UBE2E2: variants seen among roughly 807,000 people sequenced by gnomAD.
UBE2E2 encodes ubiquitin conjugating enzyme E2 E2, also known as ubiquitin-conjugating enzyme E2 E2.
Under a neutral mutation model 24.7 loss-of-function variants are expected in UBE2E2, and 6 were observed. The observed-to-expected ratio is 0.24, with a 90% CI of 0.13 to 0.48. The LOEUF is 0.48. Among genes scored for constraint, UBE2E2 ranks in the 20% least tolerant of loss-of-function variants. The pLI is 0.99. For missense variants in UBE2E2, 169 were observed against 245.0 expected, an observed-to-expected ratio of 0.69 and a Z score of 2.07; for synonymous variants, 104 against 83.6, an observed-to-expected ratio of 1.24 and a Z score of -1.33.
chr3:23,550,173 A>C (rs1251397390), intron 5 of UBE2E2, among the ~76,000 whole-genome samples: 1 of 152,114 alleles, frequency 6.6e-6, no homozygotes, highest in Non-Finnish European at 1.5e-5. Context: ...TATAACTCAA[A>C]CTTGATTTAA....
rs1324042004 is a variant in UBE2E2, at chr3:23,590,187, G to T, written c.*356G>T. The T allele has an allele frequency of 3.2e-5, 6 of 186,084 alleles. No homozygotes were observed. The highest frequency in any genetic ancestry group is 1.9e-4 in the South Asian group (1 of 5,166). The allele number at this position is 186,084 out of a possible 1,614,324, so 11.5% of individuals were successfully genotyped here. A position where few individuals can be genotyped will look rare whatever the true frequency, so the allele number is the denominator to read the frequency against. ...AAGCTTTGTATTACTGTGTGGTTTT[G>T]TTTTTTTTGTTGTTGTTTATTTGAT... On this transcript the variant is annotated 3_prime_UTR_variant, in exon 6 of 6. Transcript: ENST00000396703.
chr3:23,209,607 G>A (rs183080901), intron 2 of UBE2E2, among the ~76,000 whole-genome samples: 10 of 152,330 alleles, frequency 6.6e-5, no homozygotes, highest in Admixed American at 4.6e-4. Flanking sequence ...CATTGACCAA[G>A]TCGGAAGTAT....
At chr3:23,239,844 T>A (rs773935888) in intron 3 of UBE2E2, among the ~76,000 whole-genome samples, 2 of 152,322 alleles carry the variant, frequency 1.3e-5, no homozygotes, top group Non-Finnish European at 2.9e-5. Context: ...TTTATCCTCT[T>A]GATGTACAGA....
At chr3:23,511,169 G>A (rs1694585427) in intron 4 of UBE2E2, among the ~76,000 whole-genome samples, 1 of 152,174 alleles carries the variant, frequency 6.6e-6, no homozygotes, top group South Asian at 2.1e-4. Context: ...GTAGTAAAGG[G>A]CTACCCTTTG....
At chr3:23,270,090 C>T (rs997577259) in intron 3 of UBE2E2, among the ~76,000 whole-genome samples, 6 of 151,492 alleles carry the variant, frequency 4.0e-5, no homozygotes, top group Non-Finnish European at 7.4e-5. Flanking sequence ...CAGCAATGAG[C>T]TAGGCAGGTC....
intron 5 of UBE2E2, among the ~76,000 whole-genome samples, chr3:23,544,374 CA>C (rs1298579083): frequency 3.9e-5 from 6 of 152,022 alleles, no homozygotes; most frequent in Non-Finnish European, 8.8e-5. Flanking sequence ...ACAGTCCCAT[CA>C]AAAAGTGGAC....
intron 4 of UBE2E2, among the ~76,000 whole-genome samples, chr3:23,525,958 A>G (rs183372578): frequency 8.1e-4 from 123 of 152,342 alleles, no homozygotes; most frequent in Non-Finnish European, 7.5e-4. Flanking sequence ...CTGAATCACT[A>G]ATATCTAAGG....
intron 3 of UBE2E2, among the ~76,000 whole-genome samples, chr3:23,399,526 T>C (rs1397756989): frequency 1.3e-5 from 2 of 152,098 alleles, no homozygotes; most frequent in African/African-American, 4.8e-5. Flanking sequence ...GTAATTGTGG[T>C]TTTGCCATTT....
intron 3 of UBE2E2, among the ~76,000 whole-genome samples, chr3:23,343,172 A>G (rs1287351631): frequency 1.3e-5 from 2 of 152,168 alleles, no homozygotes; most frequent in Admixed American, 6.5e-5. Context: ...AGGTACATGA[A>G]GGAGTTAACA....
intron 3 of UBE2E2, among the ~76,000 whole-genome samples, chr3:23,449,599 T>G (rs1698511355): frequency 6.6e-6 from 1 of 152,180 alleles, no homozygotes; most frequent in Non-Finnish European, 1.5e-5. Flanking sequence ...CATTATCTGG[T>G]TCAATCTAAT....
At chr3:23,463,761 T>C (rs1198849604) in intron 3 of UBE2E2, among the ~76,000 whole-genome samples, 1 of 152,158 alleles carries the variant, frequency 6.6e-6, no homozygotes, top group Admixed American at 6.5e-5. Context: ...TTATCAAATA[T>C]GTTTGAGATT....
At chr3:23,563,821 G>T (rs1156963907) in intron 5 of UBE2E2, among the ~76,000 whole-genome samples, 2 of 152,140 alleles carry the variant, frequency 1.3e-5, no homozygotes, top group African/African-American at 4.8e-5. Flanking sequence ...AGTTAATGAG[G>T]TGTGTATTTT....
At chr3:23,333,701 A>G (rs1009483562) in intron 3 of UBE2E2, among the ~76,000 whole-genome samples, 1 of 152,208 alleles carries the variant, frequency 6.6e-6, no homozygotes, top group African/African-American at 2.4e-5. Context: ...TAGTAATAGT[A>G]GGAGCAGTAG....
chr3:23,563,992 AG>A (rs1393991318), intron 5 of UBE2E2, among the ~76,000 whole-genome samples: 10 of 142,602 alleles, frequency 7.0e-5, no homozygotes, highest in African/African-American at 2.7e-4. Context: ...AGAAAGAAAA[AG>A]AAAAGAAAAG....
intron 3 of UBE2E2, among the ~76,000 whole-genome samples, chr3:23,441,988 A>G (rs886130114): frequency 2.0e-5 from 3 of 152,148 alleles, no homozygotes; most frequent in Admixed American, 6.6e-5. Flanking sequence ...GAAGTTCCCT[A>G]GTGTTCATAT....
intron 3 of UBE2E2, among the ~76,000 whole-genome samples, chr3:23,441,017 G>T (rs1188373657): frequency 6.6e-6 from 1 of 152,128 alleles, no homozygotes; most frequent in Non-Finnish European, 1.5e-5. Context: ...TGACATTTTA[G>T]TTAGAATTCT....
intron 4 of UBE2E2, among the ~76,000 whole-genome samples, chr3:23,512,013 G>A (rs1204804607): frequency 6.6e-6 from 1 of 152,010 alleles, no homozygotes; most frequent in Non-Finnish European, 1.5e-5. Context: ...ACTTATATAA[G>A]TAATGTGATT....
At chr3:23,540,188 C>T (rs1002282523) in intron 5 of UBE2E2, among the ~76,000 whole-genome samples, 1 of 151,798 alleles carries the variant, frequency 6.6e-6, no homozygotes, top group East Asian at 1.9e-4. Context: ...TTCAGCCTCC[C>T]GAGTAGCTAA....
chr3:23,355,863 C>G (rs1342720602), intron 3 of UBE2E2, among the ~76,000 whole-genome samples: 1 of 152,230 alleles, frequency 6.6e-6, no homozygotes, highest in Non-Finnish European at 1.5e-5. Flanking sequence ...GCAGTTCGTA[C>G]ATACCTCTCT....
Sources: allele counts gnomAD v4.1 joint callset (sites outside exome capture counted in the v4.1 genomes callset), GRCh38; gene constraint gnomAD v4.1.1; transcripts MANE v1.5; gene names NCBI Gene and HGNC (gene_info 2026-07-23, HGNC 2026-07-21).